Variants in COL5A1 observed in about 807,000 individuals in gnomAD.
COL5A1 encodes collagen alpha-1(V) chain.
A neutral mutation model predicts 263.7 loss-of-function variants in COL5A1; 16 were observed. The ratio of observed to expected loss-of-function variants is 0.06; its 90% CI spans 0.04 to 0.09. The LOEUF is 0.09. COL5A1 is among the 10% of genes least tolerant of loss of function. The pLI is 1.00. For missense variants in COL5A1, 2,036 were observed against 2,540.5 expected, an observed-to-expected ratio of 0.80 and a Z score of 4.27; for synonymous variants, 1,012 against 1,004.5, an observed-to-expected ratio of 1.01 and a Z score of -0.14.
chr9:134,652,794 C>T lies in COL5A1; in HGVS notation c.109+10498C>T. On this transcript the variant is annotated intron_variant, in intron 1 of 65. Transcript: ENST00000371817. This position sits in a 1 kb window ranked among gnomAD's most constrained non-coding sequence, Gnocchi z 4.4. ...CAGCGTTTCTCCTCATGGTGTAGAC[C>T]AGCAGTTCCCAAACTTTACCAGGCC... The T allele has an allele frequency of 2.2e-6, 1 of 463,302 alleles. No individual in the cohort carries two copies. Among genetic ancestry groups the T allele is most frequent in the Non-Finnish European group, 4.5e-6 (1 of 222,328 alleles). 28.7% of individuals were successfully genotyped at this position (463,302 alleles called of 1,614,324 possible).
At chr9:134,671,929 G>A (rs1034074251) in intron 1 of COL5A1, among the ~76,000 whole-genome samples, 1 of 152,226 alleles carries the variant, frequency 6.6e-6, no homozygotes, top group Non-Finnish European at 1.5e-5. Flanking sequence ...TGTCTGAAAG[G>A]GCAAGTGCAA....
chr9:134,707,940 C>T (rs955226629), intron 4 of COL5A1, among the ~76,000 whole-genome samples: 18 of 152,162 alleles, frequency 1.2e-4, no homozygotes, highest in African/African-American at 4.1e-4. Context: ...CTGGCGGCTC[C>T]GGGACGTGAG....
rs1454296028 is a variant in COL5A1 at position 134,680,240 on chromosome 9, A to G, written c.110-10672A>G. ...AGGGCAGCCATCCAGGCGAAGGTTA[A>G]CATAGAGCCTCCAGGCCCGGCTACA... On this transcript the variant is annotated intron_variant, in intron 1 of 65. Coordinates refer to ENST00000371817, the MANE Select transcript of COL5A1 (RefSeq NM_000093.5). The surrounding 1 kb of genome is among the most constrained non-coding windows in gnomAD (Gnocchi z 5.9). Among the ~76,000 whole-genome samples the G allele has an allele frequency of 1.3e-5, 2 of 152,150 alleles. No homozygotes were observed.
At chr9:134,736,480 C>T (rs2132651686) in intron 9 of COL5A1, among the ~76,000 whole-genome samples, 1 of 152,366 alleles carries the variant, frequency 6.6e-6, no homozygotes, top group East Asian at 1.9e-4. Context: ...TCCAGGAAGG[C>T]AGAGCCTGGT....
intron 4 of COL5A1, among the ~76,000 whole-genome samples, chr9:134,704,291 G>A (rs73560672): frequency 0.081 from 12,344 of 152,022 alleles, 810 homozygotes; most frequent in African/African-American, 0.17. Flanking sequence ...AATAGTACCC[G>A]CCGCAGTTTT....
At chr9:134,724,545 T>G (rs1364656315) in intron 4 of COL5A1, among the ~76,000 whole-genome samples, 1 of 152,220 alleles carries the variant, frequency 6.6e-6, no homozygotes, top group East Asian at 1.9e-4. Context: ...TCTCAGTGCC[T>G]GTCTTGCTGT....
intron 4 of COL5A1, among the ~76,000 whole-genome samples, chr9:134,707,159 G>A (rs1048121577): frequency 1.3e-5 from 2 of 152,060 alleles, no homozygotes; most frequent in African/African-American, 2.4e-5. Context: ...GAGGGGGGCC[G>A]TGGAGGGGAT....
chr9:134,799,066 G>T (rs1838019548), intron 37 of COL5A1, among the ~76,000 whole-genome samples: 1 of 152,178 alleles, frequency 6.6e-6, no homozygotes, highest in Non-Finnish European at 1.5e-5. Context: ...CAGTCAGGTG[G>T]AAGTGGCCTC....
In COL5A1 at chr9:134,741,981, TGTGGGCAGCC is replaced by T. The variant is rs923838994; in HGVS notation, c.1494+3188_1494+3197del. 2.8e-4 allele frequency among the ~76,000 whole-genome samples: 42 copies of T among 151,910 alleles called. No homozygotes were observed. Among genetic ancestry groups the T allele is most frequent in the African/African-American group, 8.4e-4 (35 of 41,498 alleles). The stretch of plus-strand genomic sequence containing the variant: ...GTGCCCTTCCTCACACCCTGCTCCC[TGTGGGCAGCC>T]GTGGGCAGCCGTGGCAATTGGCTGG... On this transcript the variant is annotated intron_variant, in intron 11 of 65. Coordinates refer to ENST00000371817, the MANE Select transcript of COL5A1 (RefSeq NM_000093.5). This position sits in a 1 kb window ranked among gnomAD's most constrained non-coding sequence, Gnocchi z 4.5.
chr9:134,688,476 C>T (rs1044463730), intron 1 of COL5A1, among the ~76,000 whole-genome samples: 1 of 152,216 alleles, frequency 6.6e-6, no homozygotes, highest in Non-Finnish European at 1.5e-5. Flanking sequence ...GCAGCCTCAC[C>T]AGGCACTGGC....
At chr9:134,712,967 C>T (rs1338093196) in intron 4 of COL5A1, among the ~76,000 whole-genome samples, 1 of 152,176 alleles carries the variant, frequency 6.6e-6, no homozygotes, top group Non-Finnish European at 1.5e-5. Flanking sequence ...CGGGGACTCC[C>T]AGCACTCCTG....
At chr9:134,650,718 C>T (rs1831650699) in intron 1 of COL5A1, among the ~76,000 whole-genome samples, 1 of 152,252 alleles carries the variant, frequency 6.6e-6, no homozygotes, top group Admixed American at 6.5e-5. Context: ...AGGCAGGCTC[C>T]CATTGGTGGA....
intron 37 of COL5A1, among the ~76,000 whole-genome samples, chr9:134,799,713 G>A (rs993296555): frequency 7.2e-5 from 11 of 152,190 alleles, no homozygotes; most frequent in Non-Finnish European, 1.3e-4. Flanking sequence ...TGTTCTGCAC[G>A]GCGCATGCTG....
chr9:134,671,862 T>G (rs759458051), intron 1 of COL5A1, among the ~76,000 whole-genome samples: 1 of 152,278 alleles, frequency 6.6e-6, no homozygotes, highest in Non-Finnish European at 1.5e-5. Context: ...ATGCCAGGGC[T>G]GGGGAAGAAC....
intron 7 of COL5A1, 64 bp from the exon 8 acceptor site, chr9:134,731,432 C>G (rs1834875542): frequency 6.4e-7 from 1 of 1,558,538 alleles, no homozygotes; most frequent in Non-Finnish European, 8.8e-7. Flanking sequence ...CGCCCAGGGC[C>G]TGATGGAGAG....
chr9:134,661,452 G>T (rs1464211163), intron 1 of COL5A1, among the ~76,000 whole-genome samples: 1 of 151,812 alleles, frequency 6.6e-6, no homozygotes, highest in African/African-American at 2.4e-5. Flanking sequence ...ATGGGCTGAT[G>T]GCTCCCAGCA....
At chr9:134,790,751 G>C (rs1449658556) in intron 32 of COL5A1, among the ~76,000 whole-genome samples, 6 of 151,340 alleles carry the variant, frequency 4.0e-5, no homozygotes, top group Admixed American at 6.6e-5. Flanking sequence ...GCCCTGAGTA[G>C]TGCCTTTGGG....
At chr9:134,839,815 C>T (rs1300273685) in intron 65 of COL5A1, among the ~76,000 whole-genome samples, 1 of 152,240 alleles carries the variant, frequency 6.6e-6, no homozygotes, top group Non-Finnish European at 1.5e-5. Context: ...TGTGTCCAGC[C>T]CCGCTGCCCA....
In COL5A1 at chr9:134,736,651, C is replaced by T. The variant is rs74677188; in HGVS notation, c.1390-1823C>T. Among the ~76,000 whole-genome samples the T allele has an allele frequency of 6.9e-3, 1,053 of 152,322 alleles. 8 individuals are homozygous for T. The highest frequency in any genetic ancestry group is 0.011 in the Non-Finnish European group (730 of 68,034). On this transcript the variant is annotated intron_variant, in intron 9 of 65. Coordinates refer to ENST00000371817, the MANE Select transcript of COL5A1 (RefSeq NM_000093.5). ...ACATACAGTTTACATTCACTCCATC[C>T]GGTACCCACATCATCTCAAAAGTTC... is the stretch of plus-strand genomic sequence containing the variant.
Sources: gnomAD v4.1 joint callset for allele counts (sites outside exome capture counted in the v4.1 genomes callset) on GRCh38, gnomAD v4.1.1 for gene constraint, Gnocchi (gnomAD v3.1) non-coding constraint, MANE v1.5 for transcripts, NCBI Gene and HGNC (gene_info 2026-07-23, HGNC 2026-07-21) for gene names.